Variants in SYNJ2 observed in about 807,000 individuals in gnomAD.
SYNJ2 encodes the protein synaptojanin 2.
A neutral mutation model predicts 141.3 loss-of-function variants in SYNJ2; 116 were observed. The observed-to-expected ratio is 0.82, with a 90% confidence interval of 0.71 to 0.96. The LOEUF (loss-of-function observed/expected upper bound fraction) is 0.96, where lower values mean the gene tolerates loss of function less well. Among genes scored for constraint, SYNJ2 ranks in the 40% least tolerant of loss-of-function variants. The pLI is 0.00. For synonymous variants in SYNJ2, 745 were observed against 777.7 expected, an observed-to-expected ratio of 0.96 and a Z score of 0.70; for missense variants, 1,873 against 1,934.8, an observed-to-expected ratio of 0.97 and a Z score of 0.60.
In SYNJ2 at chr6:158,081,458, CTT is replaced by C. The variant is rs1562395834; in HGVS notation, c.2816_2817del (p.Phe939CysfsTer25). The C allele has an allele frequency of 2.5e-6, 4 of 1,614,010 alleles. No homozygotes were observed. The highest frequency in any genetic ancestry group is 3.4e-6 in the Non-Finnish European group (4 of 1,179,998). On this transcript the variant is annotated frameshift_variant, in exon 20 of 27. Transcript: ENST00000355585. LOFTEE classifies it high-confidence loss of function. ...ATCAACCAAGGGCAGATGCTGGTAA[CTT>C]TTGCAGACAGTCACTCGGCTCTCAG...
intron 1 of SYNJ2, among the ~76,000 whole-genome samples, chr6:157,999,781 T>C (rs1434257141): frequency 6.6e-6 from 1 of 152,144 alleles, no homozygotes; most frequent in Non-Finnish European, 1.5e-5. Flanking sequence ...AGGTAGTGTT[T>C]GTTCTGTGAA....
chr6:157,997,930 T>C (rs1777696095), intron 1 of SYNJ2, among the ~76,000 whole-genome samples: 1 of 152,224 alleles, frequency 6.6e-6, no homozygotes, highest in Admixed American at 6.5e-5. Context: ...CTTTGTTTCT[T>C]ATAAAGGTGA....
At chr6:158,025,997 G>GTACA (rs1372198806) in intron 2 of SYNJ2, among the ~76,000 whole-genome samples, 316 of 80,556 alleles carry the variant, frequency 3.9e-3, no homozygotes, top group Non-Finnish European at 8.1e-3. Context: ...ACATACATAC[G>GTACA]TACATACATA....
intron 3 of SYNJ2, among the ~76,000 whole-genome samples, chr6:158,029,717 T>G (rs1779264228): frequency 6.6e-6 from 1 of 152,202 alleles, no homozygotes; most frequent in African/African-American, 2.4e-5. Context: ...TTACCTCCAG[T>G]GTGCAGCCGT....
At chr6:157,983,193 A>G (rs1310681639) in intron 1 of SYNJ2, among the ~76,000 whole-genome samples, 1 of 152,224 alleles carries the variant, frequency 6.6e-6, no homozygotes, top group Non-Finnish European at 1.5e-5. Flanking sequence ...ATGTCTTGGA[A>G]GGACTATCTC....
intron 1 of SYNJ2, among the ~76,000 whole-genome samples, chr6:157,986,036 T>C (rs1387403731): frequency 2.6e-5 from 4 of 152,222 alleles, no homozygotes; most frequent in Non-Finnish European, 5.9e-5. Flanking sequence ...AACTGTTGCC[T>C]AGATCACTTT....
chr6:157,991,139 T>G (rs554961442), intron 1 of SYNJ2, among the ~76,000 whole-genome samples: 3 of 152,286 alleles, frequency 2.0e-5, no homozygotes, highest in South Asian at 4.1e-4. Context: ...GTCTGAATGA[T>G]TCTAAGGAGG....
In SYNJ2 at chr6:158,043,311, C is replaced by T. The variant is rs377291292; in HGVS notation, c.712-5C>T. ...CCTTTCCCTTTCTGTTTCCTTGTGC[C>T]GCAGATGATTTACATGGACGATGGA... On this transcript the variant is annotated splice_polypyrimidine_tract_variant and splice_region_variant and intron_variant, in intron 4 of 26. Transcript: ENST00000355585. The surrounding 1 kb of genome is among the most constrained non-coding windows in gnomAD (Gnocchi z 4.0). 35 of 1,613,188 alleles carry T rather than the reference C, an allele frequency of 2.2e-5. No individual in the cohort carries two copies. The highest frequency in any genetic ancestry group is 2.0e-4 in the South Asian group (18 of 91,042).
Position 158,043,746 on chromosome 6 carries a change from T to C in SYNJ2, c.795+347T>C, listed in dbSNP as rs1780083142. ...AGGTTAGACCCTGAGTTCGGTGTACTGAGGACGTTTCTGAGAGCCGTGACT... is the reference window on the plus strand; with the variant it reads ...AGGTTAGACCCTGAGTTCGGTGTACCGAGGACGTTTCTGAGAGCCGTGACT... On this transcript the variant is annotated intron_variant, in intron 5 of 26. Transcript: ENST00000355585. This position sits in a 1 kb window ranked among gnomAD's most constrained non-coding sequence, Gnocchi z 4.0. 6.6e-6 allele frequency among the ~76,000 whole-genome samples: 1 copy of C among 152,162 alleles called. No individual in the cohort carries two copies. Among genetic ancestry groups the C allele is most frequent in the Non-Finnish European group, 1.5e-5 (1 of 68,022 alleles).
Position 157,982,015 on chromosome 6 carries a change from C to G in SYNJ2, c.54C>G (p.Asp18Glu). Residue 18 changes from aspartate (D) to glutamate (E), a missense_variant, in exon 1 of 27, where the codon GAC becomes GAG. Asp to Glu is a conservative substitution (Grantham distance 45). Transcript: ENST00000355585. The surrounding 1 kb of genome is among the most constrained non-coding windows in gnomAD (Gnocchi z 4.0). ...TGGGGCGCCTGGGGGCCGAGGGGGA[C>G]TGTAGCGTGCTGCTGGAGGCGCGCG... ...RLLGRLGAEG[D>E]CSVLLEARGR... is the part of the protein sequence containing the mutation. The G allele has an allele frequency of 7.6e-7, 1 of 1,324,150 alleles. No homozygotes were observed. Among genetic ancestry groups the G allele is most frequent in the Non-Finnish European group, 9.6e-7 (1 of 1,040,474 alleles). The allele number at this position is 1,324,150 out of a possible 1,614,324, so 82.0% of individuals were successfully genotyped here. A position where few individuals can be genotyped will look rare whatever the true frequency, so the allele number is the denominator to read the frequency against.
intron 4 of SYNJ2, among the ~76,000 whole-genome samples, chr6:158,038,111 G>T (rs963807604): frequency 6.6e-6 from 1 of 152,240 alleles, no homozygotes; most frequent in Non-Finnish European, 1.5e-5. Flanking sequence ...TGAACAGCCT[G>T]CCCTTCCAGC....
chr6:158,090,026 G>A (rs1302498541), intron 25 of SYNJ2, 79 bp downstream of exon 25: 9 of 935,766 alleles, frequency 9.6e-6, no homozygotes, highest in East Asian at 2.6e-5. Context: ...GTCTAGAAAC[G>A]AAAATAACTC....
chr6:158,046,241 C>T (rs555063432), intron 5 of SYNJ2, among the ~76,000 whole-genome samples: 34 of 151,930 alleles, frequency 2.2e-4, no homozygotes, highest in African/African-American at 7.2e-4. Context: ...CCATCGCGCC[C>T]GGCCTCCATG....
Position 157,982,191 on chromosome 6 carries a change from G to A in SYNJ2, c.127+103G>A, listed in dbSNP as rs772351717. 159 of 1,233,328 alleles carry A rather than the reference G, an allele frequency of 1.3e-4. No individual in the cohort carries two copies. The highest frequency in any genetic ancestry group is 9.4e-4 in the Middle Eastern group (3 of 3,204). 76.4% of individuals were successfully genotyped at this position (1,233,328 alleles called of 1,614,324 possible). On this transcript the variant is annotated intron_variant, in intron 1 of 26. Coordinates refer to ENST00000355585, the MANE Select transcript of SYNJ2 (RefSeq NM_003898.4). The surrounding 1 kb of genome is among the most constrained non-coding windows in gnomAD (Gnocchi z 4.0). ...CCCCTTCCCGAGGGGATCGGGCGGC[G>A]CTGGGACTGCCGGGGCGTAGGGGTC...
chr6:158,020,670 C>A (rs1184680028), intron 2 of SYNJ2, among the ~76,000 whole-genome samples: 5 of 151,118 alleles, frequency 3.3e-5, no homozygotes, highest in Non-Finnish European at 5.9e-5. Context: ...AGCTGCGTGA[C>A]TTCAGCTGTG....
intron 13 of SYNJ2, among the ~76,000 whole-genome samples, chr6:158,069,026 T>C (rs1001117705): frequency 2.6e-4 from 39 of 152,224 alleles, no homozygotes; most frequent in African/African-American, 9.2e-4. Flanking sequence ...GGAGCTGGCA[T>C]GTGTGGACCT....
At position 158,070,113 on chromosome 6, in the gene SYNJ2, G is replaced by A; in HGVS notation, c.1940+440G>A. The A allele has an allele frequency of 1.0e-6, 1 of 976,410 alleles. No homozygotes were observed. The highest frequency in any genetic ancestry group is 1.2e-6 in the Non-Finnish European group (1 of 821,524). The allele number at this position is 976,410 out of a possible 1,614,324, so 60.5% of individuals were successfully genotyped here. On this transcript the variant is annotated intron_variant, in intron 14 of 26. Coordinates refer to ENST00000355585, the MANE Select transcript of SYNJ2 (RefSeq NM_003898.4). This position sits in a 1 kb window ranked among gnomAD's most constrained non-coding sequence, Gnocchi z 4.0. ...GACCTCATTGTCATTTCTCCAAGGTGCATGCTTTGTGAGCATCAGAAAGGG... is the reference window on the plus strand; with the variant it reads ...GACCTCATTGTCATTTCTCCAAGGTACATGCTTTGTGAGCATCAGAAAGGG...
At chr6:158,044,808 TTATC>T (rs1019867781) in intron 5 of SYNJ2, among the ~76,000 whole-genome samples, 6 of 152,276 alleles carry the variant, frequency 3.9e-5, no homozygotes, top group African/African-American at 1.4e-4. Context: ...TCTACTGTCT[TTATC>T]TATAGATTTC....
intron 1 of SYNJ2, among the ~76,000 whole-genome samples, chr6:158,009,301 G>T (rs993569181): frequency 1.3e-5 from 2 of 152,130 alleles, no homozygotes; most frequent in Non-Finnish European, 2.9e-5. Flanking sequence ...GCTGTGCCTC[G>T]GCAGTGCCCC....
Sources: gnomAD v4.1 joint callset for allele counts (sites outside exome capture counted in the v4.1 genomes callset) on GRCh38, gnomAD v4.1.1 for gene constraint, Gnocchi (gnomAD v3.1) non-coding constraint, MANE v1.5 for transcripts, NCBI Gene and HGNC (gene_info 2026-07-23, HGNC 2026-07-21) for gene names.